MAPKAPK5: variants seen among roughly 807,000 people sequenced by gnomAD.
The protein encoded by MAPKAPK5 is MAPK activated protein kinase 5.
MAPKAPK5 carries 30 observed loss-of-function variants against 65.1 expected under a neutral mutation model. The ratio of observed to expected loss-of-function variants is 0.46; its 90% CI spans 0.34 to 0.63. The LOEUF is 0.63. Ranked by LOEUF, MAPKAPK5 falls within the 20% of genes least tolerant of loss-of-function variation. The pLI, the probability that MAPKAPK5 is intolerant of heterozygous loss-of-function variation, is 0.01. For synonymous variants in MAPKAPK5, 179 were observed against 204.6 expected, an observed-to-expected ratio of 0.87 and a Z score of 1.07; for missense variants, 433 against 581.4, an observed-to-expected ratio of 0.74 and a Z score of 2.63.
intron 12 of MAPKAPK5, chr12:111,889,385 C>A (rs370216459): frequency 8.8e-5 from 17 of 192,094 alleles, no homozygotes; most frequent in East Asian, 2.6e-4. Context: ...ATTTCCAGAG[C>A]CTTTAGAGTG....
chr12:111,858,926 T>C (rs1368124889), intron 1 of MAPKAPK5, among the ~76,000 whole-genome samples: 2 of 148,122 alleles, frequency 1.4e-5, no homozygotes, highest in Non-Finnish European at 3.0e-5. Context: ...TCATTTTTTC[T>C]GTTTCTCGGC....
intron 7 of MAPKAPK5, among the ~76,000 whole-genome samples, chr12:111,875,497 C>T (rs560101943): frequency 3.3e-5 from 5 of 152,118 alleles, no homozygotes; most frequent in Admixed American, 6.5e-5. Flanking sequence ...CTTGGCCCCC[C>T]CTTAGCAATA....
At chr12:111,863,764 G>C (rs926744665) in intron 1 of MAPKAPK5, among the ~76,000 whole-genome samples, 3 of 151,924 alleles carry the variant, frequency 2.0e-5, no homozygotes, top group Non-Finnish European at 2.9e-5. Context: ...GCGCCACCAT[G>C]CCTGGCTAAT....
At position 111,894,737 on chromosome 12, in the gene MAPKAPK5, G is replaced by A. The variant is rs958769498; in HGVS notation, c.*1676G>A. 1 of 150,022 alleles carries A rather than the reference G, an allele frequency of 6.7e-6. No individual in the cohort carries two copies. The highest frequency in any genetic ancestry group is 2.5e-5 in the African/African-American group (1 of 40,044). The allele number at this position is 150,022 out of a possible 1,614,324, so 9.3% of individuals were successfully genotyped here. On this transcript the variant is annotated 3_prime_UTR_variant, in exon 14 of 14. Coordinates refer to ENST00000550735, the MANE Select transcript of MAPKAPK5 (RefSeq NM_003668.4). ...TTTTAGTTTTCTGTTGTGAGTATGG[G>A]TTTCCATAACAAACCAATTTTCGTG...
At chr12:111,862,906 A>C (rs570715504) in intron 1 of MAPKAPK5, among the ~76,000 whole-genome samples, 1 of 151,866 alleles carries the variant, frequency 6.6e-6, no homozygotes, top group African/African-American at 2.4e-5. Flanking sequence ...CCTTCCCACT[A>C]CTCTATTCCC....
chr12:111,858,488 G>T (rs1013717109), intron 1 of MAPKAPK5, among the ~76,000 whole-genome samples: 3 of 145,324 alleles, frequency 2.1e-5, no homozygotes, highest in Admixed American at 1.4e-4. Flanking sequence ...TTCTTTCTAT[G>T]TATTTTCATG....
intron 4 of MAPKAPK5, 65 bp downstream of exon 4, chr12:111,867,734 C>T: frequency 1.6e-6 from 2 of 1,213,932 alleles, no homozygotes; most frequent in Non-Finnish European, 1.2e-6. Context: ...GAGCTGTCCT[C>T]TCTTTTATGT....
chr12:111,880,288 A>T, intron 7 of MAPKAPK5, 159 bp from the exon 8 acceptor site: 1 of 624,844 alleles, frequency 1.6e-6, no homozygotes, highest in Non-Finnish European at 2.9e-6. Context: ...GGTTGTAAGA[A>T]AAAAACGTTT....
At chr12:111,877,385 G>A (rs143785029) in intron 7 of MAPKAPK5, among the ~76,000 whole-genome samples, 7 of 152,076 alleles carry the variant, frequency 4.6e-5, no homozygotes, top group East Asian at 3.9e-4. Flanking sequence ...TTAATGCAGT[G>A]TATGAAAGTT....
chr12:111,873,631 C>G (rs1179523496), intron 7 of MAPKAPK5, among the ~76,000 whole-genome samples: 1 of 152,194 alleles, frequency 6.6e-6, no homozygotes, highest in Non-Finnish European at 1.5e-5. Context: ...GCATGAGCCA[C>G]TGCGCCTGGC....
intron 4 of MAPKAPK5, 140 bp downstream of exon 4, chr12:111,867,809 T>G (rs946561254): frequency 4.6e-6 from 3 of 659,240 alleles, no homozygotes; most frequent in Non-Finnish European, 8.0e-6. Flanking sequence ...CTTCTCCCCC[T>G]CCATCTCCCT....
rs1211683472 is a variant in MAPKAPK5 at position 111,880,618 on chromosome 12, C to T, written c.660+91C>T. Reference sequence around the variant, plus strand: ...GGCCCTCTGGGAGTGTGGCCAATTCCTTTCTCACCCCTTAATATTCCTGCC... The same window carrying T: ...GGCCCTCTGGGAGTGTGGCCAATTCTTTTCTCACCCCTTAATATTCCTGCC... On this transcript the variant is annotated intron_variant, in intron 8 of 13. Transcript: ENST00000550735. 3.8e-6 allele frequency: 4 copies of T among 1,053,684 alleles called. No individual in the cohort carries two copies. The African/African-American group carries it at 4.7e-5, about 12-fold the overall frequency. The allele number at this position is 1,053,684 out of a possible 1,614,324, so 65.3% of individuals were successfully genotyped here.
intron 1 of MAPKAPK5, among the ~76,000 whole-genome samples, chr12:111,852,983 A>G (rs2069131201): frequency 6.6e-6 from 1 of 152,166 alleles, no homozygotes; most frequent in Admixed American, 6.5e-5. Context: ...CATGTTGGCC[A>G]GGCTGATCTT....
At chr12:111,854,528 C>T (rs768355785) in intron 1 of MAPKAPK5, among the ~76,000 whole-genome samples, 1 of 152,122 alleles carries the variant, frequency 6.6e-6, no homozygotes, top group African/African-American at 2.4e-5. Flanking sequence ...CATGAGCCAC[C>T]GTGCTCGGCC....
At chr12:111,868,691 G>GTT in intron 4 of MAPKAPK5, 62 bp from the exon 5 acceptor site, 2 of 1,282,484 alleles carry the variant, frequency 1.6e-6, no homozygotes, top group South Asian at 2.8e-5. Flanking sequence ...ATGTTTCAGG[G>GTT]TTTTTTGTTT....
In MAPKAPK5 at chr12:111,896,377, G is replaced by A. The variant is rs1463480119; in HGVS notation, c.*3316G>A. 2 of 152,044 alleles carry A rather than the reference G, an allele frequency of 1.3e-5. No homozygotes were observed. Among genetic ancestry groups the A allele is most frequent in the Non-Finnish European group, 2.9e-5 (2 of 68,000 alleles). 9.4% of individuals were successfully genotyped at this position (152,044 alleles called of 1,614,324 possible). On this transcript the variant is annotated 3_prime_UTR_variant, in exon 14 of 14. Coordinates refer to ENST00000550735, the MANE Select transcript of MAPKAPK5 (RefSeq NM_003668.4). ...AAGCTGGAAGTTTGTGAACACTCTG[G>A]AGGATGCCCCAGCTGTTGTAATGCA...
chr12:111,875,870 C>T (rs1043847022), intron 7 of MAPKAPK5, among the ~76,000 whole-genome samples: 4 of 151,896 alleles, frequency 2.6e-5, no homozygotes, highest in African/African-American at 9.7e-5. Flanking sequence ...TAAAGATTTC[C>T]GAATAATTGG....
At chr12:111,848,681 G>A (rs1176442733) in intron 1 of MAPKAPK5, among the ~76,000 whole-genome samples, 2 of 151,872 alleles carry the variant, frequency 1.3e-5, no homozygotes, top group Non-Finnish European at 2.9e-5. Flanking sequence ...AAAATGCTAG[G>A]ATTATAGGCA....
intron 10 of MAPKAPK5, 65 bp from the exon 11 acceptor site, chr12:111,888,423 C>A: frequency 6.3e-7 from 1 of 1,590,772 alleles, no homozygotes; most frequent in Admixed American, 1.8e-5. Context: ...TTTCCACTTT[C>A]TTAGACTGGC....
Sources: allele counts gnomAD v4.1 joint callset (sites outside exome capture counted in the v4.1 genomes callset), GRCh38; gene constraint gnomAD v4.1.1; transcripts MANE v1.5; gene names NCBI Gene and HGNC (gene_info 2026-07-23, HGNC 2026-07-21).